Variants in ASB3 observed in about 807,000 individuals in gnomAD.
The protein encoded by ASB3 is ankyrin repeat and SOCS box protein 3.
A neutral mutation model predicts 54.5 loss-of-function variants in ASB3; 41 were observed. The ratio of observed to expected loss-of-function variants is 0.75; its 90% CI spans 0.59 to 0.98. The LOEUF (loss-of-function observed/expected upper bound fraction) is 0.98. ASB3 is among the 50% of genes least tolerant of loss of function. ASB3 has a pLI of 0.00. For synonymous variants in ASB3, 266 were observed against 221.2 expected (o/e 1.20, Z -1.80); for missense variants, 733 against 620.0 (o/e 1.18, Z -1.94).
intron 3 of ASB3, among the ~76,000 whole-genome samples, chr2:53,743,092 G>C (rs1672022124): frequency 6.6e-6 from 1 of 151,626 alleles, no homozygotes; most frequent in Admixed American, 6.6e-5. Flanking sequence ...TGTAATTCAA[G>C]GATTTTGTAC....
In ASB3 at chr2:53,703,296, A is replaced by C. The variant is rs182386767; in HGVS notation, c.981-2768T>G. Among the ~76,000 whole-genome samples, 16 of 152,270 alleles carry C rather than the reference A, an allele frequency of 1.1e-4. No homozygotes were observed. In the East Asian group the frequency reaches 2.9e-3, roughly 28 times the overall value. The stretch of plus-strand genomic sequence containing the variant: ...AACTTTTTAGCTCCAAAGGACAAAA[A>C]CTGCTTTTGTTGCAGGATCTATACA... On this transcript the variant is annotated intron_variant, in intron 7 of 9. Transcript: ENST00000263634.
At chr2:53,737,301 A>G (rs1332040718) in intron 3 of ASB3, among the ~76,000 whole-genome samples, 1 of 152,172 alleles carries the variant, frequency 6.6e-6, no homozygotes, top group African/African-American at 2.4e-5. Flanking sequence ...GAGCAACAGT[A>G]AGGTTGGGAA....
chr2:53,760,605 A>G (rs1673087425), intron 2 of ASB3, among the ~76,000 whole-genome samples: 1 of 151,974 alleles, frequency 6.6e-6, no homozygotes. Context: ...CTGAAGAAGG[A>G]AAAATACTTT....
chr2:53,761,380 C>T (rs897997605), intron 2 of ASB3, among the ~76,000 whole-genome samples: 1 of 152,092 alleles, frequency 6.6e-6, no homozygotes, highest in Non-Finnish European at 1.5e-5. Flanking sequence ...TGGGTCCCCT[C>T]CCGTTGTATG....
chr2:53,763,757 C>T (rs1318988225), intron 2 of ASB3, among the ~76,000 whole-genome samples: 1 of 152,136 alleles, frequency 6.6e-6, no homozygotes, highest in Non-Finnish European at 1.5e-5. Context: ...AGCTTTTTGC[C>T]TAGAAAAGGA....
chr2:53,745,846 C>T (rs1042825725), intron 3 of ASB3, among the ~76,000 whole-genome samples: 1 of 152,232 alleles, frequency 6.6e-6, no homozygotes, highest in African/African-American at 2.4e-5. Context: ...GACAGGTTAA[C>T]CTTCCTTTCT....
In ASB3 at chr2:53,762,025, C is replaced by T. The variant is rs547582585; in HGVS notation, c.196+3352G>A. Among the ~76,000 whole-genome samples the T allele has an allele frequency of 2.6e-5, 4 of 152,316 alleles. No individual in the cohort carries two copies. The South Asian group carries it at 8.3e-4, about 32-fold the overall frequency. ...CAAGAGAGCAGAAGAGTGACTTGGT[C>T]TGTTGCATTTTAAAATGATCCCTCT... On this transcript the variant is annotated intron_variant, in intron 2 of 9. Transcript: ENST00000263634.
At chr2:53,702,070 A>G (rs968627994) in intron 7 of ASB3, among the ~76,000 whole-genome samples, 5 of 152,222 alleles carry the variant, frequency 3.3e-5, no homozygotes, top group African/African-American at 1.2e-4. Flanking sequence ...ATATCTATTA[A>G]CAATCTACAG....
chr2:53,767,859 G>A, intron 1 of ASB3: 1 of 1,588,510 alleles, frequency 6.3e-7, no homozygotes, highest in Non-Finnish European at 8.6e-7. Flanking sequence ...AGGGTTCACG[G>A]CCACTGGGGC....
chr2:53,692,438 T>C (rs1668966046), intron 9 of ASB3, among the ~76,000 whole-genome samples: 1 of 152,124 alleles, frequency 6.6e-6, no homozygotes, highest in Admixed American at 6.6e-5. Flanking sequence ...ATTAGCTACA[T>C]TAGCTCAGAA....
At chr2:53,746,591 G>A (rs1407109638) in intron 3 of ASB3, among the ~76,000 whole-genome samples, 1 of 151,362 alleles carries the variant, frequency 6.6e-6, no homozygotes, top group Non-Finnish European at 1.5e-5. Flanking sequence ...TGATTCTCCA[G>A]CCTCAGCCTC....
chr2:53,767,584 G>GT, intron 1 of ASB3: 1 of 324,718 alleles, frequency 3.1e-6, no homozygotes, highest in South Asian at 3.9e-5. Context: ...GGGTATTGTA[G>GT]TTTTCTGCAC....
intron 9 of ASB3, among the ~76,000 whole-genome samples, chr2:53,671,046 T>C (rs938245480): frequency 2.6e-5 from 4 of 152,194 alleles, no homozygotes; most frequent in Non-Finnish European, 5.9e-5. Context: ...TCTTAATCTA[T>C]TTCATTACAA....
intron 5 of ASB3, among the ~76,000 whole-genome samples, chr2:53,721,512 G>A (rs2008082): frequency 0.17 from 25,103 of 151,644 alleles, 2,153 homozygotes; most frequent in South Asian, 0.23. Flanking sequence ...CGGAGGTTGC[G>A]GTGAGCCTAG....
intron 5 of ASB3, among the ~76,000 whole-genome samples, chr2:53,726,759 C>T (rs112010524): frequency 2.6e-5 from 4 of 151,578 alleles, no homozygotes; most frequent in Non-Finnish European, 5.9e-5. Context: ...TGCGGTGGTG[C>T]GATCTTAGCT....
At chr2:53,716,879 T>C (rs920790519) in intron 5 of ASB3, 136 bp from the exon 6 acceptor site, 2 of 989,128 alleles carry the variant, frequency 2.0e-6, no homozygotes, top group East Asian at 5.3e-5. Context: ...TGGATGTTGT[T>C]ATATAAACAT....
At chr2:53,760,060 C>A (rs1673059013) in intron 2 of ASB3, among the ~76,000 whole-genome samples, 1 of 152,192 alleles carries the variant, frequency 6.6e-6, no homozygotes, top group Admixed American at 6.5e-5. Context: ...CTTCTCCCAG[C>A]CACTAAGTTG....
chr2:53,729,464 A>G lies in ASB3; in HGVS notation c.462T>C (p.Ser154=). 6.2e-7 allele frequency: 1 copy of G among 1,613,778 alleles called. No individual in the cohort carries two copies. The highest frequency in any genetic ancestry group is 8.5e-7 in the Non-Finnish European group (1 of 1,179,736). The change falls in exon 4 of 10, where the codon TCT becomes TCC. Residue 154 remains serine (S), a synonymous_variant. Transcript: ENST00000263634. The stretch of plus-strand genomic sequence containing the variant: ...TAATAAATTCAGAGGTTACCTGAAA[A>G]GAAGCCTGGTGCAAGGAGTTCCATC... ...MCGWNSLHQA[S]FQENAEIIKL...
In ASB3 at chr2:53,755,916, C is replaced by T. The variant is rs538014198; in HGVS notation, c.197-4975G>A. Among the ~76,000 whole-genome samples the T allele has an allele frequency of 5.3e-4, 81 of 152,074 alleles. 1 individual carries two copies. The highest frequency in any genetic ancestry group is 2.0e-3 in the African/African-American group (81 of 41,490). ...CCTGTAATCCCAGCACTTTGGGAGG[C>T]CAAGGAAGGAGTATCACTTGAGGCC... is the stretch of plus-strand genomic sequence containing the variant. On this transcript the variant is annotated intron_variant, in intron 2 of 9. Transcript: ENST00000263634.
Sources: allele counts gnomAD v4.1 joint callset (sites outside exome capture counted in the v4.1 genomes callset), GRCh38; gene constraint gnomAD v4.1.1; transcripts MANE v1.5; gene names NCBI Gene and HGNC (gene_info 2026-07-23, HGNC 2026-07-21).